Variants in ADAM12 observed in about 807,000 individuals in gnomAD.
The protein encoded by ADAM12 is disintegrin and metalloproteinase domain-containing protein 12.
A neutral mutation model predicts 106.4 loss-of-function variants in ADAM12; 70 were observed. That is an observed-to-expected ratio of 0.66 (90% CI 0.54 to 0.80). The LOEUF is 0.80. Among genes scored for constraint, ADAM12 ranks in the 30% least tolerant of loss-of-function variants. The pLI, the probability that ADAM12 is intolerant of heterozygous loss-of-function variation, is 0.00. For missense variants in ADAM12, 1,010 were observed against 1,171.9 expected, an observed-to-expected ratio of 0.86 and a Z score of 2.02; for synonymous variants, 420 against 433.5, an observed-to-expected ratio of 0.97 and a Z score of 0.39.
chr10:126,072,639 AC>A (rs1955020250), intron 11 of ADAM12, among the ~76,000 whole-genome samples: 1 of 152,116 alleles, frequency 6.6e-6, no homozygotes, highest in African/African-American at 2.4e-5. Context: ...TAATATGGTA[AC>A]CCACTGAGCA....
intron 11 of ADAM12, among the ~76,000 whole-genome samples, chr10:126,082,453 C>G (rs966877165): frequency 7.1e-6 from 1 of 140,952 alleles, no homozygotes; most frequent in Non-Finnish European, 1.5e-5. Context: ...ACCGTAACTT[C>G]CGCCTCCCGG....
At position 126,039,424 on chromosome 10, in the gene ADAM12, G is replaced by C. The variant is rs956899333; in HGVS notation, c.2110C>G (p.Gln704Glu). The change falls in exon 19 of 23, where the codon CAA becomes GAA. Residue 704 changes from glutamine to glutamate, a missense_variant. Coordinates refer to ENST00000448723, the MANE Select transcript of ADAM12 (RefSeq NM_001288973.2). ...DSGPIRQADN[Q>E]GLTIGILVTI... is the part of the protein sequence containing the mutation. ...ACCAGAATTCCTATGGTTAAACCTT[G>C]GTTATCTGAAACAAAACACATGGGG... The C allele has an allele frequency of 6.2e-7, 1 of 1,613,906 alleles. No homozygotes were observed. Among genetic ancestry groups the C allele is most frequent in the Non-Finnish European group, 8.5e-7 (1 of 1,179,948 alleles).
intron 4 of ADAM12, among the ~76,000 whole-genome samples, chr10:126,145,858 C>T (rs982720320): frequency 6.6e-6 from 1 of 152,118 alleles, no homozygotes; most frequent in Non-Finnish European, 1.5e-5. Flanking sequence ...ACTGAATAAA[C>T]ATAGGCATGT....
chr10:126,167,005 C>T (rs185716719), intron 3 of ADAM12, among the ~76,000 whole-genome samples: 11 of 152,292 alleles, frequency 7.2e-5, no homozygotes, highest in East Asian at 1.9e-4. Context: ...ATTCTTCAAA[C>T]GTTTCTACCA....
At chr10:126,325,711 T>C (rs1444804812) in intron 2 of ADAM12, among the ~76,000 whole-genome samples, 1 of 152,220 alleles carries the variant, frequency 6.6e-6, no homozygotes, top group Non-Finnish European at 1.5e-5. Flanking sequence ...AATCACATTT[T>C]GACATGTCTT....
intron 2 of ADAM12, among the ~76,000 whole-genome samples, chr10:126,307,644 G>A (rs1488965762): frequency 6.6e-6 from 1 of 152,156 alleles, no homozygotes; most frequent in African/African-American, 2.4e-5. Flanking sequence ...AGGTTCAAGC[G>A]ATTCTCCTAC....
At chr10:126,263,406 A>G (rs886647116) in intron 3 of ADAM12, among the ~76,000 whole-genome samples, 3 of 152,176 alleles carry the variant, frequency 2.0e-5, no homozygotes, top group Non-Finnish European at 4.4e-5. Flanking sequence ...CAAATACCAG[A>G]GATTTCATGT....
intron 3 of ADAM12, among the ~76,000 whole-genome samples, chr10:126,231,575 G>A (rs575994789): frequency 4.6e-5 from 7 of 152,086 alleles, no homozygotes; most frequent in Non-Finnish European, 7.3e-5. Context: ...TTGCCCTGGC[G>A]CAGGACTCCT....
At chr10:126,210,822 G>A (rs568234583) in intron 3 of ADAM12, among the ~76,000 whole-genome samples, 44 of 152,300 alleles carry the variant, frequency 2.9e-4, no homozygotes, top group African/African-American at 1.1e-3. Flanking sequence ...GATAGGGCAG[G>A]AGCAAGGCTG....
At chr10:126,319,265 A>G (rs1854008997) in intron 2 of ADAM12, among the ~76,000 whole-genome samples, 1 of 152,206 alleles carries the variant, frequency 6.6e-6, no homozygotes, top group Non-Finnish European at 1.5e-5. Context: ...GGATGCGCAC[A>G]GTGACCTCCT....
intron 14 of ADAM12, among the ~76,000 whole-genome samples, chr10:126,058,771 A>AT (rs201790727): frequency 0.019 from 2,937 of 152,360 alleles, 34 homozygotes; most frequent in Non-Finnish European, 0.028. Context: ...GCCATCTGGC[A>AT]TTTATCTTAG....
At chr10:126,074,478 G>A (rs1163008600) in intron 11 of ADAM12, among the ~76,000 whole-genome samples, 1 of 152,164 alleles carries the variant, frequency 6.6e-6, no homozygotes, top group African/African-American at 2.4e-5. Context: ...TTTAAGTCCA[G>A]GATTTAAACT....
At chr10:126,296,298 T>C (rs548460626) in intron 2 of ADAM12, among the ~76,000 whole-genome samples, 2 of 152,218 alleles carry the variant, frequency 1.3e-5, no homozygotes, top group African/African-American at 2.4e-5. Flanking sequence ...CATGCCACCA[T>C]GCCTGACTAA....
At chr10:126,182,821 C>A (rs1251404914) in intron 3 of ADAM12, among the ~76,000 whole-genome samples, 4 of 152,174 alleles carry the variant, frequency 2.6e-5, no homozygotes, top group Non-Finnish European at 5.9e-5. Context: ...TTTACATAAA[C>A]ATAAGAAGAG....
intron 4 of ADAM12, among the ~76,000 whole-genome samples, chr10:126,139,338 C>A (rs960395837): frequency 4.0e-5 from 6 of 151,440 alleles, no homozygotes; most frequent in Non-Finnish European, 5.9e-5. Flanking sequence ...TTGTTGATAT[C>A]ATAAATAAGA....
chr10:126,178,503 A>G (rs1957260374), intron 3 of ADAM12, among the ~76,000 whole-genome samples: 2 of 147,684 alleles, frequency 1.4e-5, no homozygotes. Flanking sequence ...ACTCTCTTTC[A>G]TATAAAAGAG....
At chr10:126,041,907 T>C in intron 18 of ADAM12, 1 of 1,409,428 alleles carries the variant, frequency 7.1e-7, no homozygotes, top group Non-Finnish European at 9.2e-7. Context: ...GTCCATGTTT[T>C]AGCAGAAGCT....
chr10:126,204,988 C>T lies in ADAM12; in HGVS notation c.261-49683G>A, dbSNP rs539370833. Among the ~76,000 whole-genome samples, 9 of 152,272 alleles carry T rather than the reference C, an allele frequency of 5.9e-5. No homozygotes were observed. The South Asian group carries it at 1.5e-3, about 25-fold the overall frequency. ...GGTTCTTGGCCAGGGTGGATTGGCT[C>T]GGGGCTAGGCACCTGACGGAAGCCA... is the stretch of plus-strand genomic sequence containing the variant. On this transcript the variant is annotated intron_variant, in intron 3 of 22. Coordinates refer to ENST00000448723, the MANE Select transcript of ADAM12 (RefSeq NM_001288973.2).
At chr10:126,186,843 C>A (rs914042310) in intron 3 of ADAM12, among the ~76,000 whole-genome samples, 1 of 152,152 alleles carries the variant, frequency 6.6e-6, no homozygotes, top group Admixed American at 6.5e-5. Context: ...GGATGGACAG[C>A]GAACAACACT....
Sources: allele counts gnomAD v4.1 joint callset (sites outside exome capture counted in the v4.1 genomes callset), GRCh38; gene constraint gnomAD v4.1.1; transcripts MANE v1.5; gene names NCBI Gene and HGNC (gene_info 2026-07-23, HGNC 2026-07-21).